Variants in CNTNAP5 observed in about 807,000 individuals in gnomAD.
CNTNAP5 encodes the protein contactin-associated protein-like 5.
In CNTNAP5, 72 loss-of-function variants were observed where a neutral mutation model predicts 150.2. The ratio of observed to expected loss-of-function variants is 0.48; its 90% CI spans 0.40 to 0.58. The LOEUF (loss-of-function observed/expected upper bound fraction) is 0.58. Ranked by LOEUF, CNTNAP5 falls within the 20% of genes least tolerant of loss-of-function variation. The pLI is 0.00. For synonymous variants in CNTNAP5, 672 were observed against 619.8 expected (o/e 1.08, Z -1.25); for missense variants, 1,636 against 1,626.2 (o/e 1.01, Z -0.10).
chr2:124,806,343 C>G (rs1291816310), intron 19 of CNTNAP5, among the ~76,000 whole-genome samples: 1 of 152,116 alleles, frequency 6.6e-6, no homozygotes, highest in Non-Finnish European at 1.5e-5. Flanking sequence ...AAGGGGGTAG[C>G]TCTTCCTGGT....
At chr2:124,714,732 G>C (rs1679909749) in intron 13 of CNTNAP5, among the ~76,000 whole-genome samples, 1 of 151,302 alleles carries the variant, frequency 6.6e-6, no homozygotes, top group Admixed American at 6.6e-5. Context: ...AATATTTATG[G>C]ATATATTTAT....
chr2:124,547,477 G>T (rs534533967), intron 10 of CNTNAP5, among the ~76,000 whole-genome samples: 1 of 152,298 alleles, frequency 6.6e-6, no homozygotes, highest in East Asian at 1.9e-4. Flanking sequence ...TCATGCAAAA[G>T]CGAGAGCCAG....
chr2:124,274,419 T>C (rs1484967736), intron 3 of CNTNAP5, among the ~76,000 whole-genome samples: 1 of 152,166 alleles, frequency 6.6e-6, no homozygotes, highest in African/African-American at 2.4e-5. Flanking sequence ...CTCAATATTG[T>C]CACTGGTAAA....
chr2:124,276,011 A>C (rs76487053), intron 3 of CNTNAP5, among the ~76,000 whole-genome samples: 1 of 151,946 alleles, frequency 6.6e-6, no homozygotes, highest in Non-Finnish European at 1.5e-5. Context: ...TGTTTTCTTT[A>C]TTTGTTTGTT....
At chr2:124,628,689 G>A (rs1470329091) in intron 12 of CNTNAP5, among the ~76,000 whole-genome samples, 2 of 152,032 alleles carry the variant, frequency 1.3e-5, no homozygotes, top group Non-Finnish European at 2.9e-5. Flanking sequence ...TTAGCATCAT[G>A]ACAGGGTCAA....
At chr2:124,754,800 G>A (rs1680803670) in intron 14 of CNTNAP5, among the ~76,000 whole-genome samples, 1 of 151,842 alleles carries the variant, frequency 6.6e-6, no homozygotes, top group Non-Finnish European at 1.5e-5. Flanking sequence ...CAATCCTCAC[G>A]CGTCGAACTC....
At chr2:124,748,268 T>A (rs1269629227) in intron 14 of CNTNAP5, among the ~76,000 whole-genome samples, 2 of 152,302 alleles carry the variant, frequency 1.3e-5, no homozygotes, top group South Asian at 4.1e-4. Context: ...ATTTTCCCAG[T>A]GTCAAACATG....
rs113687948 is a variant in CNTNAP5 at position 124,694,897 on chromosome 2, G to A, written c.2077+46939G>A. Among the ~76,000 whole-genome samples the A allele has an allele frequency of 1.4e-4, 21 of 152,160 alleles. 1 individual carries two copies. Among genetic ancestry groups the A allele is most frequent in the African/African-American group, 4.8e-4 (20 of 41,524 alleles). On this transcript the variant is annotated intron_variant, in intron 13 of 23. Transcript: ENST00000682447. ...AGTAAGACAAAAGTGAAACAATGAA[G>A]GCATATGCTAAAGCTTTGCTTGTTT...
chr2:124,310,795 C>T (rs535429146), intron 3 of CNTNAP5, among the ~76,000 whole-genome samples: 1 of 152,192 alleles, frequency 6.6e-6, no homozygotes, highest in South Asian at 2.1e-4. Flanking sequence ...AAGAAGCTTC[C>T]TTACCTCATG....
At chr2:124,248,382 A>G (rs1002463193) in intron 3 of CNTNAP5, among the ~76,000 whole-genome samples, 2 of 152,336 alleles carry the variant, frequency 1.3e-5, no homozygotes, top group Non-Finnish European at 2.9e-5. Context: ...CCAGCTTAGA[A>G]TAGTCAACTA....
chr2:124,209,438 A>G (rs553748053), intron 1 of CNTNAP5, among the ~76,000 whole-genome samples: 2 of 152,338 alleles, frequency 1.3e-5, no homozygotes, highest in East Asian at 3.9e-4. Flanking sequence ...TCATAGGACA[A>G]ATGGTAATGA....
At chr2:124,239,539 T>G (rs2104763477) in intron 2 of CNTNAP5, among the ~76,000 whole-genome samples, 1 of 152,244 alleles carries the variant, frequency 6.6e-6, no homozygotes, top group Middle Eastern at 3.4e-3. Flanking sequence ...AATTCTCAGC[T>G]TATAAAAGAA....
chr2:124,640,648 C>A (rs1214446403), intron 12 of CNTNAP5, among the ~76,000 whole-genome samples: 9 of 152,164 alleles, frequency 5.9e-5, no homozygotes, highest in African/African-American at 1.9e-4. Context: ...TCACTTTACA[C>A]CAATTGTCTC....
chr2:124,877,614 C>CA lies in CNTNAP5; in HGVS notation c.3436+7859dup, dbSNP rs893857268. Among the ~76,000 whole-genome samples the CA allele has an allele frequency of 2.6e-5, 4 of 152,046 alleles. No homozygotes were observed. In the East Asian group the frequency reaches 5.8e-4, roughly 22 times the overall value. On this transcript the variant is annotated intron_variant, in intron 21 of 23. Transcript: ENST00000682447. ...TGTGTGAAACAAACAAATATAACAGCAAAAAAACTGTCCTTGTTCTAAAGA... is the reference window on the plus strand; with the variant it reads ...TGTGTGAAACAAACAAATATAACAGCAAAAAAAACTGTCCTTGTTCTAAAGA...
At chr2:124,727,196 G>T (rs1680174498) in intron 13 of CNTNAP5, among the ~76,000 whole-genome samples, 2 of 151,940 alleles carry the variant, frequency 1.3e-5, no homozygotes, top group African/African-American at 2.4e-5. Context: ...TGGCCTATAT[G>T]TCTGCTTTTA....
intron 6 of CNTNAP5, among the ~76,000 whole-genome samples, chr2:124,461,101 T>C (rs1221387265): frequency 1.3e-5 from 2 of 152,114 alleles, no homozygotes; most frequent in African/African-American, 4.8e-5. Flanking sequence ...AGTTCAACCA[T>C]TGTGGAAGTC....
intron 3 of CNTNAP5, among the ~76,000 whole-genome samples, chr2:124,305,331 T>C (rs1267523252): frequency 6.7e-6 from 1 of 150,170 alleles, no homozygotes; most frequent in Admixed American, 6.6e-5. Flanking sequence ...AGCTGGGGAG[T>C]TAGGAAGTGT....
intron 1 of CNTNAP5, among the ~76,000 whole-genome samples, chr2:124,056,231 A>T (rs923806482): frequency 6.6e-6 from 1 of 152,210 alleles, no homozygotes. Context: ...AGGCTTCCAA[A>T]TTAGAGAGAA....
At chr2:124,697,118 G>C (rs1452040589) in intron 13 of CNTNAP5, among the ~76,000 whole-genome samples, 2 of 151,952 alleles carry the variant, frequency 1.3e-5, no homozygotes, top group African/African-American at 4.8e-5. Flanking sequence ...ATTTGTTTTA[G>C]AATTTTTTAA....
Sources: gnomAD v4.1 joint callset for allele counts (sites outside exome capture counted in the v4.1 genomes callset) on GRCh38, gnomAD v4.1.1 for gene constraint, MANE v1.5 for transcripts, NCBI Gene and HGNC (gene_info 2026-07-23, HGNC 2026-07-21) for gene names.